The following RBM47 variants were observed in gnomAD, a reference collection of about 807,000 sequenced individuals.
RBM47 encodes the protein RNA binding motif protein 47.
In RBM47, 21 loss-of-function variants were observed where a neutral mutation model predicts 47.1. The observed-to-expected ratio is 0.45, with a 90% CI of 0.32 to 0.64. RBM47 has a LOEUF of 0.64. Ranked by LOEUF, RBM47 falls within the 30% of genes least tolerant of loss-of-function variation. RBM47 has a pLI of 0.05. For synonymous variants in RBM47, 375 were observed against 361.7 expected, an observed-to-expected ratio of 1.04 and a Z score of -0.42; for missense variants, 708 against 870.9, an observed-to-expected ratio of 0.81 and a Z score of 2.35.
At chr4:40,514,154 C>T (rs899109054) in intron 2 of RBM47, among the ~76,000 whole-genome samples, 4 of 152,096 alleles carry the variant, frequency 2.6e-5, no homozygotes, top group African/African-American at 7.2e-5. Flanking sequence ...AATGAATTCC[C>T]GAGCTCACAG....
intron 1 of RBM47, among the ~76,000 whole-genome samples, chr4:40,595,989 C>T (rs1477368406): frequency 6.6e-6 from 1 of 152,000 alleles, no homozygotes; most frequent in Non-Finnish European, 1.5e-5. Context: ...CCAGTGTGGA[C>T]GCAGCCTCTC....
intron 2 of RBM47, among the ~76,000 whole-genome samples, chr4:40,536,559 A>G (rs1465445284): frequency 1.3e-5 from 2 of 151,828 alleles, no homozygotes; most frequent in Non-Finnish European, 2.9e-5. Flanking sequence ...GATGCCCACA[A>G]TTTTCTTTTT....
chr4:40,541,674 G>A (rs918590201), intron 2 of RBM47, among the ~76,000 whole-genome samples: 1 of 151,914 alleles, frequency 6.6e-6, no homozygotes, highest in Non-Finnish European at 1.5e-5. Context: ...GGAGGCGGAG[G>A]TTGCAATGAG....
rs912037243 is a variant in RBM47, at chr4:40,424,042, A to G, written c.*1862T>C. 3.3e-5 allele frequency: 5 copies of G among 152,252 alleles called. No homozygotes were observed. The highest frequency in any genetic ancestry group is 7.3e-5 in the Non-Finnish European group (5 of 68,046). The allele number at this position is 152,252 out of a possible 1,614,324, so 9.4% of individuals were successfully genotyped here. ...GCTTAAAGGCCTCAGTAGGCACTCA[A>G]TAATTTTATAGAATAGTTAAATAAA... On this transcript the variant is annotated 3_prime_UTR_variant, in exon 7 of 7. Coordinates refer to ENST00000295971, the MANE Select transcript of RBM47 (RefSeq NM_001098634.2).
chr4:40,437,793 G>T lies in RBM47; in HGVS notation c.1101C>A (p.Pro367=). ...AACCTTTCACAAAGTAGTCCCTGTT[G>T]GGCCCAATGAGCGCGTTGTAGGGGT... The part of the protein sequence containing the change: ...YGYPYNALIG[P]NRDYFVKAGS... Residue 367 remains proline, a synonymous_variant, in exon 4 of 7, where the codon CCC becomes CCA. Transcript: ENST00000295971. The T allele has an allele frequency of 6.2e-7, 1 of 1,606,716 alleles. No individual in the cohort carries two copies. The highest frequency in any genetic ancestry group is 8.5e-7 in the Non-Finnish European group (1 of 1,173,952).
chr4:40,562,417 G>A (rs1040727567), intron 1 of RBM47, among the ~76,000 whole-genome samples: 4 of 151,800 alleles, frequency 2.6e-5, no homozygotes, highest in Non-Finnish European at 4.4e-5. Context: ...CTAAGGAGGC[G>A]GGTGTCATTA....
chr4:40,429,310 GA>G (rs1187460110), intron 6 of RBM47, among the ~76,000 whole-genome samples: 1 of 151,140 alleles, frequency 6.6e-6, no homozygotes, highest in Non-Finnish European at 1.5e-5. Flanking sequence ...AATAAGGAAA[GA>G]AAAAAAATCC....
intron 2 of RBM47, among the ~76,000 whole-genome samples, chr4:40,529,497 CAGA>C (rs1298468087): frequency 1.9e-5 from 2 of 104,046 alleles, no homozygotes. Flanking sequence ...GCCTGGGTGA[CAGA>C]AGGAGACTCT....
chr4:40,581,451 A>AATAAATAC (rs1553904693), intron 1 of RBM47, among the ~76,000 whole-genome samples: 1 of 149,542 alleles, frequency 6.7e-6, no homozygotes, highest in Non-Finnish European at 1.5e-5. Context: ...TAAATAAATA[A>AATAAATAC]ATAAATAAAT....
intron 2 of RBM47, among the ~76,000 whole-genome samples, chr4:40,528,946 AAAAAAATAAATAAATAAATAAAT>A (rs1270559342): frequency 1.3e-4 from 13 of 103,748 alleles, no homozygotes; most frequent in African/African-American, 4.9e-4. Flanking sequence ...CCGTCTCAAA[AAAAAAATAAATAAATAAATAAAT>A]AAATAAATAA....
At chr4:40,549,208 C>T (rs893359258) in intron 1 of RBM47, among the ~76,000 whole-genome samples, 7 of 152,058 alleles carry the variant, frequency 4.6e-5, no homozygotes, top group Non-Finnish European at 1.0e-4. Flanking sequence ...TCTCCTGCCT[C>T]AGCCTCCCGA....
chr4:40,555,225 C>A (rs536072170), intron 1 of RBM47, among the ~76,000 whole-genome samples: 1 of 152,208 alleles, frequency 6.6e-6, no homozygotes, highest in Non-Finnish European at 1.5e-5. Context: ...AGCCACCACA[C>A]CCGGCTTAAT....
At chr4:40,608,531 C>A (rs1735963630) in intron 1 of RBM47, among the ~76,000 whole-genome samples, 1 of 152,214 alleles carries the variant, frequency 6.6e-6, no homozygotes, top group African/African-American at 2.4e-5. Context: ...GGGGCCCAAT[C>A]CATATCGAGT....
chr4:40,502,758 A>C (rs1723543334), intron 2 of RBM47, among the ~76,000 whole-genome samples: 1 of 152,082 alleles, frequency 6.6e-6, no homozygotes, highest in East Asian at 1.9e-4. Flanking sequence ...AGGCAGGAAG[A>C]TCACTTGAGC....
intron 3 of RBM47, 110 bp from the exon 4 acceptor site, chr4:40,439,034 T>A: frequency 1.1e-6 from 1 of 928,156 alleles, no homozygotes; most frequent in Non-Finnish European, 1.6e-6. Context: ...GAAGGGGAGG[T>A]GGTTTAAATG....
chr4:40,533,364 G>A (rs1431436479), intron 2 of RBM47, among the ~76,000 whole-genome samples: 4 of 151,360 alleles, frequency 2.6e-5, no homozygotes, highest in African/African-American at 9.7e-5. Context: ...AACTCGGGAG[G>A]CAGAAGTTGC....
chr4:40,484,505 A>C (rs1720826611), intron 2 of RBM47, among the ~76,000 whole-genome samples: 2 of 151,220 alleles, frequency 1.3e-5, no homozygotes, highest in Non-Finnish European at 2.9e-5. Context: ...AGGATGAACC[A>C]TTTTCCTTAG....
At chr4:40,486,789 A>G (rs934624206) in intron 2 of RBM47, among the ~76,000 whole-genome samples, 2 of 152,228 alleles carry the variant, frequency 1.3e-5, no homozygotes, top group Non-Finnish European at 2.9e-5. Flanking sequence ...TGTAACTATG[A>G]TTCAACAGAG....
chr4:40,558,826 TAAA>T (rs573205780), intron 1 of RBM47, among the ~76,000 whole-genome samples: 13 of 129,784 alleles, frequency 1.0e-4, no homozygotes, highest in African/African-American at 3.1e-4. Context: ...AAACTCTGTC[TAAA>T]AAAAAAAAAA....
Sources: allele counts gnomAD v4.1 joint callset (sites outside exome capture counted in the v4.1 genomes callset), GRCh38; gene constraint gnomAD v4.1.1; transcripts MANE v1.5; gene names NCBI Gene and HGNC (gene_info 2026-07-23, HGNC 2026-07-21).